Variants in SPRR2G observed in about 807,000 individuals in gnomAD.
SPRR2G encodes the protein small proline rich protein 2G.
SPRR2G carries 1 observed loss-of-function variant against 0.7 expected under a neutral mutation model. The observed-to-expected ratio is 1.49, with a 90% CI of 0.53 to 7.06. The LOEUF is 7.06. Among genes scored for constraint, SPRR2G ranks in the 30% most tolerant of loss-of-function variants. The pLI, the probability that SPRR2G is intolerant of heterozygous loss-of-function variation, is 0.14. For synonymous variants in SPRR2G, 38 were observed against 33.9 expected, an observed-to-expected ratio of 1.12 and a Z score of -0.42; for missense variants, 96 against 88.5, an observed-to-expected ratio of 1.09 and a Z score of -0.34.
At chr1:153,167,688 G>A in the SPRR2G span, among the ~76,000 whole-genome samples, 2 of 152,114 alleles carry the variant, frequency 1.3e-5, no homozygotes, top group East Asian at 3.9e-4. Flanking sequence ...AAACATTTAA[G>A]TTCTCTGACC....
At chr1:153,193,034 A>G in the SPRR2G span, among the ~76,000 whole-genome samples, 4 of 152,100 alleles carry the variant, frequency 2.6e-5, no homozygotes, top group Non-Finnish European at 4.4e-5. Context: ...GAGATTAGGT[A>G]AACCTTCTCC....
chr1:153,174,695 G>A, the SPRR2G span: 1 of 152,222 alleles, frequency 6.6e-6, no homozygotes, highest in Non-Finnish European at 1.5e-5. Context: ...ATACAAGTCT[G>A]TAAAATAGTC....
At chr1:153,187,172 G>A in the SPRR2G span, among the ~76,000 whole-genome samples, 176 of 152,186 alleles carry the variant, frequency 1.2e-3, no homozygotes, top group Non-Finnish European at 2.0e-3. Context: ...TGACAATTAT[G>A]TGTCTTGGGG....
At chr1:153,161,994 T>G in the SPRR2G span, among the ~76,000 whole-genome samples, 17 of 152,024 alleles carry the variant, frequency 1.1e-4, no homozygotes, top group East Asian at 5.8e-4. Context: ...TGGTGGTGGT[T>G]GTTGTTGTTG....
upstream of SPRR2G, among the ~76,000 whole-genome samples, chr1:153,152,342 A>C (rs114151520): frequency 6.6e-6 from 1 of 152,138 alleles, no homozygotes; most frequent in Non-Finnish European, 1.5e-5. Context: ...CATAGCACCT[A>C]CAGGGTCGGC....
At chr1:153,179,893 A>T in the SPRR2G span, among the ~76,000 whole-genome samples, 2 of 152,162 alleles carry the variant, frequency 1.3e-5, no homozygotes, top group Admixed American at 1.3e-4. Context: ...TATAGAGAAG[A>T]TTATGTCCTC....
At chr1:153,175,632 T>C in the SPRR2G span, among the ~76,000 whole-genome samples, 1 of 152,212 alleles carries the variant, frequency 6.6e-6, no homozygotes, top group African/African-American at 2.4e-5. Flanking sequence ...TCTGAACAAC[T>C]CCTTCATGAC....
At chr1:153,175,345 T>C in the SPRR2G span, among the ~76,000 whole-genome samples, 1 of 152,216 alleles carries the variant, frequency 6.6e-6, no homozygotes, top group African/African-American at 2.4e-5. Context: ...GAAAAAATAG[T>C]TGAACGCCTT....
upstream of SPRR2G, among the ~76,000 whole-genome samples, chr1:153,155,492 T>C (rs1463261047): frequency 6.6e-6 from 1 of 152,184 alleles, no homozygotes; most frequent in Non-Finnish European, 1.5e-5. Flanking sequence ...CCTCCTCATC[T>C]CTTGCTCGAT....
At chr1:153,184,094 C>A in the SPRR2G span, among the ~76,000 whole-genome samples, 604 of 152,262 alleles carry the variant, frequency 4.0e-3, 9 homozygotes, top group African/African-American at 0.013. Context: ...GTTTTGGTAC[C>A]AGTACCATGC....
At chr1:153,150,894 A>T (rs1315450076), upstream of SPRR2G, 1 of 152,614 alleles carries the variant, frequency 6.6e-6, no homozygotes, top group African/African-American at 2.4e-5. Flanking sequence ...AGAAGATAGC[A>T]TCAGTGTGGT....
the SPRR2G span, among the ~76,000 whole-genome samples, chr1:153,200,917 A>G: frequency 6.6e-6 from 1 of 152,160 alleles, no homozygotes; most frequent in Admixed American, 6.5e-5. Context: ...CATGTTGGCC[A>G]GGCTGGTCTC....
chr1:153,150,999 T>C (rs958299185), upstream of SPRR2G: 6 of 152,262 alleles, frequency 3.9e-5, no homozygotes, highest in African/African-American at 1.4e-4. Context: ...ACCACTTGCA[T>C]GTAATCCATG....
At chr1:153,179,852 A>G in the SPRR2G span, among the ~76,000 whole-genome samples, 8 of 152,146 alleles carry the variant, frequency 5.3e-5, no homozygotes, top group Admixed American at 4.6e-4. Context: ...CAGCAATCCC[A>G]TATCAGAACA....
At chr1:153,167,174 G>GA in the SPRR2G span, among the ~76,000 whole-genome samples, 3 of 151,808 alleles carry the variant, frequency 2.0e-5, no homozygotes, top group Admixed American at 1.3e-4. Context: ...CTTTGTTTTG[G>GA]AAAAAAAATA....
chr1:153,157,992 C>A, the SPRR2G span, among the ~76,000 whole-genome samples: 1 of 152,088 alleles, frequency 6.6e-6, no homozygotes, highest in Non-Finnish European at 1.5e-5. Flanking sequence ...GATTCAATTA[C>A]CTCCCAACAG....
the SPRR2G span, among the ~76,000 whole-genome samples, chr1:153,195,701 T>C: frequency 1.3e-5 from 2 of 152,236 alleles, no homozygotes; most frequent in Non-Finnish European, 2.9e-5. Context: ...CATTTATTTA[T>C]CACCTCCTCT....
At chr1:153,175,660 TTAAG>T in the SPRR2G span, among the ~76,000 whole-genome samples, 1 of 152,232 alleles carries the variant, frequency 6.6e-6, no homozygotes, top group Non-Finnish European at 1.5e-5. Flanking sequence ...ACCATTATAC[TTAAG>T]TAATTATCAA....
chr1:153,155,306 T>C (rs889293860), upstream of SPRR2G, among the ~76,000 whole-genome samples: 13 of 152,174 alleles, frequency 8.5e-5, no homozygotes, highest in African/African-American at 3.1e-4. Flanking sequence ...CACTTGAACC[T>C]CCAGTATTCT....
Sources: allele counts gnomAD v4.1 joint callset (sites outside exome capture counted in the v4.1 genomes callset), GRCh38; gene constraint gnomAD v4.1.1; transcripts MANE v1.5; gene names NCBI Gene and HGNC (gene_info 2026-07-23, HGNC 2026-07-21).